MARCHF1: variants seen among roughly 807,000 people sequenced by gnomAD.
MARCHF1 encodes the protein E3 ubiquitin-protein ligase MARCHF1.
MARCHF1 carries 40 observed loss-of-function variants against 54.2 expected under a neutral mutation model. That is an observed-to-expected ratio of 0.74 (90% CI 0.57 to 0.96). MARCHF1 has a LOEUF of 0.96. Ranked by LOEUF, MARCHF1 falls within the 40% of genes least tolerant of loss-of-function variation. MARCHF1 has a pLI of 0.00. For synonymous variants in MARCHF1, 236 were observed against 236.3 expected (o/e 1.00, Z 0.01); for missense variants, 586 against 656.5 (o/e 0.89, Z 1.17).
intron 2 of MARCHF1, among the ~76,000 whole-genome samples, chr4:164,094,086 T>C (rs1451260578): frequency 1.3e-5 from 2 of 152,116 alleles, no homozygotes; most frequent in African/African-American, 4.8e-5. Flanking sequence ...TAGAAAGCTT[T>C]ATTTCAGATC....
chr4:163,918,018 T>C (rs186562371), intron 3 of MARCHF1, among the ~76,000 whole-genome samples: 37 of 152,304 alleles, frequency 2.4e-4, no homozygotes, highest in African/African-American at 8.2e-4. Flanking sequence ...AGGGGTTTTA[T>C]AGTTTTGGGT....
At chr4:163,825,705 C>T (rs1183622644) in intron 4 of MARCHF1, among the ~76,000 whole-genome samples, 4 of 151,828 alleles carry the variant, frequency 2.6e-5, no homozygotes, top group Non-Finnish European at 5.9e-5. Context: ...TGACGTTAAG[C>T]ATTTTTTAAT....
chr4:163,613,084 A>G (rs1207777597), intron 6 of MARCHF1, 46 bp from the exon 7 acceptor site: 3 of 1,428,586 alleles, frequency 2.1e-6, no homozygotes, highest in Non-Finnish European at 2.7e-6. Flanking sequence ...AATGGAGAGG[A>G]AAGCCATGGA....
chr4:163,966,132 T>C (rs12500848), intron 3 of MARCHF1, among the ~76,000 whole-genome samples: 28,504 of 152,028 alleles, frequency 0.19, 3,346 homozygotes, highest in South Asian at 0.35. Flanking sequence ...TTAGGTCTAA[T>C]TATACTAAAA....
intron 1 of MARCHF1, among the ~76,000 whole-genome samples, chr4:164,358,321 G>A (rs1730622311): frequency 6.6e-6 from 1 of 152,078 alleles, no homozygotes; most frequent in Non-Finnish European, 1.5e-5. Flanking sequence ...CAATGTCACT[G>A]GGGGACATAA....
Position 163,986,619 on chromosome 4 carries a change from GT to G in MARCHF1, c.-39+1881del, listed in dbSNP as rs1752876939. On this transcript the variant is annotated intron_variant, in intron 3 of 9. Transcript: ENST00000514618. Reference sequence around the variant, plus strand: ...AACTCCCATTGTGACACATTAGAGTGTTTTTTGACCCTGAAAGAAACAAAGC... The same window carrying G: ...AACTCCCATTGTGACACATTAGAGTGTTTTTGACCCTGAAAGAAACAAAGC... 2.0e-5 allele frequency among the ~76,000 whole-genome samples: 3 copies of G among 152,040 alleles called. No individual in the cohort carries two copies. The South Asian group carries it at 6.2e-4, about 31-fold the overall frequency.
At chr4:163,679,983 T>C (rs1197304056) in intron 5 of MARCHF1, among the ~76,000 whole-genome samples, 1 of 141,362 alleles carries the variant, frequency 7.1e-6, no homozygotes, top group Non-Finnish European at 1.6e-5. Flanking sequence ...TTATCTGTTT[T>C]TTTTTTTTTT....
intron 3 of MARCHF1, among the ~76,000 whole-genome samples, chr4:163,902,745 C>A (rs1356755734): frequency 6.6e-6 from 1 of 152,100 alleles, no homozygotes; most frequent in Non-Finnish European, 1.5e-5. Flanking sequence ...TTCCAATTGC[C>A]AGTCATGATG....
intron 3 of MARCHF1, among the ~76,000 whole-genome samples, chr4:163,879,804 C>CGCGTGTGTGTGT (rs1553960437): frequency 2.0e-5 from 3 of 148,494 alleles, no homozygotes; most frequent in African/African-American, 7.4e-5. Context: ...GATTTAGAGG[C>CGCGTGTGTGTGT]GTGTGTGTGT....
At chr4:163,657,922 TAA>T (rs1743208226) in intron 5 of MARCHF1, among the ~76,000 whole-genome samples, 2 of 152,092 alleles carry the variant, frequency 1.3e-5, no homozygotes, top group Non-Finnish European at 2.9e-5. Flanking sequence ...CAAGATGGAT[TAA>T]AGACTTAAAT....
At chr4:164,381,795 T>C (rs1164314109) in intron 1 of MARCHF1, among the ~76,000 whole-genome samples, 3 of 152,216 alleles carry the variant, frequency 2.0e-5, no homozygotes, top group Admixed American at 6.5e-5. Flanking sequence ...CAACAGGTTC[T>C]CTAAGAACCT....
intron 4 of MARCHF1, among the ~76,000 whole-genome samples, chr4:163,735,209 G>A (rs1202864921): frequency 6.6e-6 from 1 of 152,108 alleles, no homozygotes; most frequent in Non-Finnish European, 1.5e-5. Flanking sequence ...CTTAGGACAT[G>A]TCACTCTTCA....
chr4:163,894,647 T>C (rs1295257886), intron 3 of MARCHF1, among the ~76,000 whole-genome samples: 1 of 38,800 alleles, frequency 2.6e-5, no homozygotes. Flanking sequence ...TATATGCATG[T>C]GATGCATATA....
intron 5 of MARCHF1, among the ~76,000 whole-genome samples, chr4:163,653,243 CT>C (rs1291429548): frequency 6.6e-6 from 1 of 151,720 alleles, no homozygotes; most frequent in African/African-American, 2.4e-5. Context: ...CATGAACATG[CT>C]CTGATATGAT....
intron 2 of MARCHF1, among the ~76,000 whole-genome samples, chr4:164,051,519 GT>G (rs1347251749): frequency 2.0e-5 from 3 of 152,066 alleles, no homozygotes; most frequent in Admixed American, 6.6e-5. Context: ...TTCTAAATTT[GT>G]ATTCTTATAG....
At chr4:163,626,819 C>T (rs560517030) in intron 5 of MARCHF1, among the ~76,000 whole-genome samples, 22 of 152,008 alleles carry the variant, frequency 1.4e-4, no homozygotes, top group South Asian at 2.1e-4. Flanking sequence ...CTCAGCTACT[C>T]GGGAGGCTGA....
At chr4:163,660,972 T>G (rs1274538040) in intron 5 of MARCHF1, among the ~76,000 whole-genome samples, 3 of 152,052 alleles carry the variant, frequency 2.0e-5, no homozygotes, top group Non-Finnish European at 4.4e-5. Flanking sequence ...TGAGGTATTA[T>G]ATTTCTTTAG....
chr4:164,202,034 T>C (rs1448359615), intron 1 of MARCHF1, among the ~76,000 whole-genome samples: 1 of 152,174 alleles, frequency 6.6e-6, no homozygotes, highest in Non-Finnish European at 1.5e-5. Flanking sequence ...TAGTAGCGAA[T>C]GAAATGAAAA....
At chr4:164,126,954 T>C (rs937401144) in intron 1 of MARCHF1, among the ~76,000 whole-genome samples, 5 of 152,100 alleles carry the variant, frequency 3.3e-5, no homozygotes, top group Non-Finnish European at 7.4e-5. Flanking sequence ...ATCTGGAGGC[T>C]GAGGTGGGAG....
Sources: gnomAD v4.1 joint callset for allele counts (sites outside exome capture counted in the v4.1 genomes callset) on GRCh38, gnomAD v4.1.1 for gene constraint, MANE v1.5 for transcripts, NCBI Gene and HGNC (gene_info 2026-07-23, HGNC 2026-07-21) for gene names.